The following EXOC6B variants were observed in gnomAD, a reference collection of about 807,000 sequenced individuals.
EXOC6B encodes the protein exocyst complex component 6B, also known as SEC15 homolog B.
In EXOC6B, 54 loss-of-function variants were observed where a neutral mutation model predicts 113.5. That is an observed-to-expected ratio of 0.48 (90% CI 0.38 to 0.60). The LOEUF (loss-of-function observed/expected upper bound fraction) is 0.60. Among genes scored for constraint, EXOC6B ranks in the 20% least tolerant of loss-of-function variants. EXOC6B has a pLI of 0.00. For synonymous variants in EXOC6B, 357 were observed against 339.0 expected (o/e 1.05, Z -0.58); for missense variants, 797 against 977.5 (o/e 0.82, Z 2.46).
chr2:72,606,109 A>T (rs1670736269), intron 6 of EXOC6B, among the ~76,000 whole-genome samples: 1 of 152,176 alleles, frequency 6.6e-6, no homozygotes, highest in African/African-American at 2.4e-5. Context: ...AGACTTAGTT[A>T]TTATGCACTA....
intron 13 of EXOC6B, among the ~76,000 whole-genome samples, chr2:72,497,565 A>G (rs771767741): frequency 1.3e-5 from 2 of 152,046 alleles, no homozygotes; most frequent in Non-Finnish European, 2.9e-5. Context: ...TAGAGATAAG[A>G]CTCCCTTAAA....
chr2:72,660,674 ATAT>A (rs1329787129), intron 6 of EXOC6B, among the ~76,000 whole-genome samples: 3 of 152,234 alleles, frequency 2.0e-5, no homozygotes, highest in Non-Finnish European at 2.9e-5. Flanking sequence ...TGAGGTAAGT[ATAT>A]TGAAACTTCT....
At chr2:72,647,580 A>G (rs1008210956) in intron 6 of EXOC6B, among the ~76,000 whole-genome samples, 1 of 152,224 alleles carries the variant, frequency 6.6e-6, no homozygotes, top group African/African-American at 2.4e-5. Context: ...ACCAAAACAC[A>G]GAGATAGACC....
intron 1 of EXOC6B, among the ~76,000 whole-genome samples, chr2:72,743,387 C>T (rs759078328): frequency 9.9e-5 from 15 of 152,072 alleles, no homozygotes; most frequent in African/African-American, 1.9e-4. Flanking sequence ...ACCTCTCTAA[C>T]CTCATTTCTC....
chr2:72,360,368 A>C (rs2104980261), intron 19 of EXOC6B, among the ~76,000 whole-genome samples: 1 of 152,292 alleles, frequency 6.6e-6, no homozygotes, highest in Admixed American at 6.5e-5. Context: ...GATTACAGGC[A>C]TGAGCCACTG....
intron 8 of EXOC6B, among the ~76,000 whole-genome samples, chr2:72,521,976 A>C (rs1307521102): frequency 2.0e-5 from 3 of 152,156 alleles, no homozygotes; most frequent in Non-Finnish European, 4.4e-5. Flanking sequence ...GATTACAGGC[A>C]TGAGCCACTG....
At chr2:72,407,730 T>G (rs1281655913) in intron 18 of EXOC6B, among the ~76,000 whole-genome samples, 1 of 152,158 alleles carries the variant, frequency 6.6e-6, no homozygotes, top group Non-Finnish European at 1.5e-5. Flanking sequence ...TAATAAAAGC[T>G]ATCTATGACA....
intron 6 of EXOC6B, among the ~76,000 whole-genome samples, chr2:72,667,745 A>G (rs1448698207): frequency 6.6e-6 from 1 of 152,224 alleles, no homozygotes; most frequent in Non-Finnish European, 1.5e-5. Context: ...AAAGAATTAA[A>G]TGTAAGACCT....
intron 6 of EXOC6B, among the ~76,000 whole-genome samples, chr2:72,692,642 C>T (rs1003615727): frequency 1.1e-4 from 16 of 152,144 alleles, no homozygotes; most frequent in African/African-American, 2.7e-4. Context: ...TGAGCCGCTG[C>T]GCCTGGCCTT....
intron 8 of EXOC6B, among the ~76,000 whole-genome samples, chr2:72,527,680 C>T (rs1489004747): frequency 6.6e-6 from 1 of 151,960 alleles, no homozygotes; most frequent in Non-Finnish European, 1.5e-5. Flanking sequence ...TTACATTATA[C>T]TATTTTATAT....
intron 6 of EXOC6B, among the ~76,000 whole-genome samples, chr2:72,580,280 T>C (rs1705141923): frequency 6.6e-6 from 1 of 151,734 alleles, no homozygotes; most frequent in Non-Finnish European, 1.5e-5. Context: ...TAGCTAGGAT[T>C]ACAGGCACGT....
chr2:72,401,591 ATATATATATATGT>A, intron 18 of EXOC6B, among the ~76,000 whole-genome samples: 1 of 43,388 alleles, frequency 2.3e-5, no homozygotes, highest in African/African-American at 2.7e-4. Context: ...ACATATATAT[ATATATATATATGT>A]GTATATATAT....
At chr2:72,361,385 G>C (rs1197156730) in intron 19 of EXOC6B, among the ~76,000 whole-genome samples, 1 of 152,146 alleles carries the variant, frequency 6.6e-6, no homozygotes, top group East Asian at 1.9e-4. Context: ...AAAAATGCTA[G>C]TGTGGATCTG....
intron 6 of EXOC6B, among the ~76,000 whole-genome samples, chr2:72,666,057 C>T (rs1046141273): frequency 6.6e-6 from 1 of 151,980 alleles, no homozygotes; most frequent in Non-Finnish European, 1.5e-5. Flanking sequence ...ATCAGATAAA[C>T]CAGATGTAAA....
intron 16 of EXOC6B, among the ~76,000 whole-genome samples, chr2:72,481,094 T>C (rs149419863): frequency 8.5e-5 from 13 of 152,294 alleles, no homozygotes; most frequent in African/African-American, 3.1e-4. Flanking sequence ...GATGGTTTTA[T>C]AAGGGGCTCT....
At chr2:72,710,174 G>A (rs1051760444) in intron 6 of EXOC6B, among the ~76,000 whole-genome samples, 4 of 152,016 alleles carry the variant, frequency 2.6e-5, no homozygotes, top group African/African-American at 9.7e-5. Flanking sequence ...CTGCCATACT[G>A]TCTTTAAACT....
intron 6 of EXOC6B, among the ~76,000 whole-genome samples, chr2:72,628,266 G>C (rs1672180655): frequency 6.6e-6 from 1 of 151,642 alleles, no homozygotes; most frequent in African/African-American, 2.4e-5. Flanking sequence ...TAGGACAACA[G>C]GCATGCACCA....
intron 8 of EXOC6B, among the ~76,000 whole-genome samples, chr2:72,520,137 G>A (rs1412766392): frequency 6.6e-6 from 1 of 152,142 alleles, no homozygotes; most frequent in East Asian, 1.9e-4. Flanking sequence ...CAAGCTCCAT[G>A]AGAAAAAGTC....
Position 72,267,357 on chromosome 2 carries a change from A to AAATGG in EXOC6B, c.2196+67589_2196+67590insCCATT, listed in dbSNP as rs532458821. Among the ~76,000 whole-genome samples, 815 of 152,270 alleles carry AAATGG rather than the reference A, an allele frequency of 5.4e-3. 7 individuals carry two copies. Among genetic ancestry groups the AAATGG allele is most frequent in the African/African-American group, 0.019 (791 of 41,554 alleles). ...GCCAGTTTTCAAAGGGAATGCTTCC[A>AAATGG]GTTTTTGCCCATTCAGTATGATATT... On this transcript the variant is annotated intron_variant, in intron 20 of 21. Transcript: ENST00000272427.
Sources: gnomAD v4.1 joint callset for allele counts (sites outside exome capture counted in the v4.1 genomes callset) on GRCh38, gnomAD v4.1.1 for gene constraint, MANE v1.5 for transcripts, NCBI Gene and HGNC (gene_info 2026-07-23, HGNC 2026-07-21) for gene names.